The following JAK2 variants were observed in gnomAD, a reference collection of about 807,000 sequenced individuals.
JAK2 encodes Janus kinase 2.
A neutral mutation model predicts 139.3 loss-of-function variants in JAK2; 86 were observed. That is an observed-to-expected ratio of 0.62 (90% confidence interval 0.52 to 0.74). The LOEUF (loss-of-function observed/expected upper bound fraction) is 0.74, where lower values mean the gene tolerates loss of function less well. Ranked by LOEUF, JAK2 falls within the 30% of genes least tolerant of loss-of-function variation. JAK2 has a pLI of 0.00. For missense variants in JAK2, 1,421 were observed against 1,360.3 expected (o/e 1.04, Z -0.70); for synonymous variants, 490 against 437.7 (o/e 1.12, Z -1.49).
At chr9:5,044,369 T>C in intron 4 of JAK2, 34 bp from the exon 5 acceptor site, 1 of 1,353,206 alleles carries the variant, frequency 7.4e-7, no homozygotes, top group Non-Finnish European at 1.1e-6. Flanking sequence ...TTGAACTATT[T>C]GGAAGCTGAC....
intron 22 of JAK2, among the ~76,000 whole-genome samples, chr9:5,095,677 A>G (rs1307378252): frequency 2.0e-5 from 3 of 152,140 alleles, no homozygotes; most frequent in Admixed American, 2.0e-4. Flanking sequence ...AATAAACACG[A>G]CCAGTCTCCT....
At chr9:5,076,018 G>A (rs1255348380) in intron 14 of JAK2, among the ~76,000 whole-genome samples, 1 of 152,146 alleles carries the variant, frequency 6.6e-6, no homozygotes, top group African/African-American at 2.4e-5. Context: ...GGAAGTCACT[G>A]CAGAGATGGT....
intron 2 of JAK2, among the ~76,000 whole-genome samples, chr9:5,004,183 A>G (rs1316082233): frequency 6.6e-6 from 1 of 152,162 alleles, no homozygotes; most frequent in Non-Finnish European, 1.5e-5. Flanking sequence ...AGTATACGAT[A>G]TATTGTTATT....
At chr9:5,027,946 A>T (rs1050843298) in intron 3 of JAK2, among the ~76,000 whole-genome samples, 1 of 152,200 alleles carries the variant, frequency 6.6e-6, no homozygotes, top group African/African-American at 2.4e-5. Context: ...TCCCTCAAAG[A>T]TACCCATGAG....
intron 19 of JAK2, among the ~76,000 whole-genome samples, chr9:5,084,437 G>T (rs773888621): frequency 2.0e-5 from 3 of 152,000 alleles, no homozygotes; most frequent in Non-Finnish European, 4.4e-5. Context: ...GTATCCCTTT[G>T]TTATCCTTTT....
At chr9:5,100,964 C>G (rs971722676) in intron 22 of JAK2, 1 of 152,286 alleles carries the variant, frequency 6.6e-6, no homozygotes, top group African/African-American at 2.4e-5. Context: ...CCAGCATGAT[C>G]GACGCAGAAG....
At chr9:4,985,737 T>C (rs971204119) in intron 1 of JAK2, 107 bp downstream of exon 1, 2 of 152,458 alleles carry the variant, frequency 1.3e-5, no homozygotes, top group African/African-American at 4.8e-5. Flanking sequence ...AGCAAACTTC[T>C]GAGCCAGAAA....
chr9:5,126,545 C>T, intron 24 of JAK2, 99 bp downstream of exon 24: 1 of 956,572 alleles, frequency 1.0e-6, no homozygotes, highest in Non-Finnish European at 1.6e-6. Flanking sequence ...GCGGAGCTTC[C>T]AGATAAACAG....
chr9:5,008,111 C>T (rs978448143), intron 2 of JAK2, among the ~76,000 whole-genome samples: 2 of 152,006 alleles, frequency 1.3e-5, no homozygotes, highest in African/African-American at 4.8e-5. Context: ...CATTTTTATG[C>T]GATATTCTTC....
At position 5,054,205 on chromosome 9, in the gene JAK2, T is replaced by C. The variant is rs1008495942; in HGVS notation, c.615-358T>C. Among the ~76,000 whole-genome samples, 1 of 152,070 alleles carries C rather than the reference T, an allele frequency of 6.6e-6. No individual in the cohort carries two copies. Among genetic ancestry groups the C allele is most frequent in the African/African-American group, 2.4e-5 (1 of 41,456 alleles). On this transcript the variant is annotated intron_variant, in intron 6 of 24. Transcript: ENST00000381652. The surrounding 1 kb of genome is among the most constrained non-coding windows in gnomAD (Gnocchi z 4.9). ...GAAATATTTGTAGCACAGTTCAATATATGCCAAAATATTATCTTATAAACC... is the reference window on the plus strand; with the variant it reads ...GAAATATTTGTAGCACAGTTCAATACATGCCAAAATATTATCTTATAAACC...
At position 5,128,106 on chromosome 9, in the gene JAK2, G is replaced by GTT. The variant is rs1292453971; in HGVS notation, c.*1316_*1317insTT. The GTT allele has an allele frequency of 4.3e-6, 1 of 231,970 alleles. No homozygotes were observed. Among genetic ancestry groups the GTT allele is most frequent in the African/African-American group, 2.2e-5 (1 of 45,112 alleles). The allele number at this position is 231,970 out of a possible 1,614,324, so 14.4% of individuals were successfully genotyped here. A position where few individuals can be genotyped will look rare whatever the true frequency, so the allele number is the denominator to read the frequency against. Reference sequence around the variant, plus strand: ...TGTGTGTGTGTGTGTGTGTGTGTGTGTGTGTGTGTGTGTGTTATTTATACA... The same window carrying GTT: ...TGTGTGTGTGTGTGTGTGTGTGTGTGTTTGTGTGTGTGTGTGTTATTTATACA... On this transcript the variant is annotated 3_prime_UTR_variant, in exon 25 of 25. Coordinates refer to ENST00000381652, the MANE Select transcript of JAK2 (RefSeq NM_004972.4).
intron 2 of JAK2, among the ~76,000 whole-genome samples, chr9:4,997,644 G>GT (rs1820657972): frequency 6.6e-6 from 1 of 152,144 alleles, no homozygotes; most frequent in South Asian, 2.1e-4. Context: ...CATCCAAACT[G>GT]TATCAACCTT....
chr9:4,997,626 G>C (rs1303907790), intron 2 of JAK2, among the ~76,000 whole-genome samples: 7 of 152,156 alleles, frequency 4.6e-5, no homozygotes, highest in Non-Finnish European at 8.8e-5. Flanking sequence ...GAAATTTAAA[G>C]GGGACAACAT....
intron 22 of JAK2, chr9:5,100,560 A>G (rs557283131): frequency 1.3e-5 from 2 of 152,346 alleles, no homozygotes; most frequent in East Asian, 1.9e-4. Context: ...TCTAGCCCCA[A>G]TGCCAGAATT....
chr9:5,025,137 C>A (rs1221347246), intron 3 of JAK2, among the ~76,000 whole-genome samples: 1 of 152,044 alleles, frequency 6.6e-6, no homozygotes, highest in Non-Finnish European at 1.5e-5. Context: ...AGTTTTTACT[C>A]ATTTTTTTTT....
At chr9:5,114,676 T>C in intron 22 of JAK2, 1 of 433,394 alleles carries the variant, frequency 2.3e-6, no homozygotes, top group Non-Finnish European at 4.5e-6. Flanking sequence ...TCTGGCGTCT[T>C]AGTCTTCAGC....
intron 22 of JAK2, chr9:5,099,139 A>G (rs1331624263): frequency 6.6e-6 from 1 of 152,218 alleles, no homozygotes; most frequent in Non-Finnish European, 1.5e-5. Context: ...GCACTCATGA[A>G]CTATCCCCTT....
In JAK2 at chr9:5,081,736, T is replaced by C. The variant is rs759063584; in HGVS notation, c.2446T>C (p.Leu816=). The change falls in exon 19 of 25, where the codon TTA becomes CTA. Residue 816 remains leucine, a synonymous_variant. Coordinates refer to ENST00000381652, the MANE Select transcript of JAK2 (RefSeq NM_004972.4). ...CTTTATTTCTCCAGATTATGAACTA[T>C]TAACAGAAAATGACATGTTACCAAA... The part of the protein sequence containing the change: ...NSLFTPDYEL[L]TENDMLPNMR... 1.4e-5 allele frequency: 22 copies of C among 1,595,452 alleles called. No individual in the cohort carries two copies. The highest frequency in any genetic ancestry group is 1.9e-5 in the Non-Finnish European group (22 of 1,163,484).
At chr9:5,106,516 G>A (rs986661973) in intron 22 of JAK2, among the ~76,000 whole-genome samples, 1 of 152,150 alleles carries the variant, frequency 6.6e-6, no homozygotes, top group Admixed American at 6.5e-5. Context: ...TCTAGAACTA[G>A]AAATACCATT....
Sources: allele counts gnomAD v4.1 joint callset (sites outside exome capture counted in the v4.1 genomes callset), GRCh38; gene constraint gnomAD v4.1.1; non-coding constraint Gnocchi (gnomAD v3.1); transcripts MANE v1.5; gene names NCBI Gene and HGNC (gene_info 2026-07-23, HGNC 2026-07-21).